The following COLQ variants were observed in gnomAD, a reference collection of about 807,000 sequenced individuals.
COLQ encodes collagen like tail subunit of asymmetric acetylcholinesterase.
A neutral mutation model predicts 69.0 loss-of-function variants in COLQ; 48 were observed. The ratio of observed to expected loss-of-function variants is 0.70; its 90% CI spans 0.55 to 0.88. COLQ has a LOEUF of 0.88. Ranked by LOEUF, COLQ falls within the 40% of genes least tolerant of loss-of-function variation. COLQ has a pLI of 0.00. For synonymous variants in COLQ, 217 were observed against 211.2 expected (o/e 1.03, Z -0.24); for missense variants, 618 against 594.6 (o/e 1.04, Z -0.41).
chr3:15,480,152 T>G (rs56259279), intron 3 of COLQ, among the ~76,000 whole-genome samples: 1 of 152,220 alleles, frequency 6.6e-6, no homozygotes, highest in Non-Finnish European at 1.5e-5. Context: ...CAGGTGAACA[T>G]GCATAGTGCA....
Position 15,490,191 on chromosome 3 carries a change from C to G in COLQ, c.107-554G>C, listed in dbSNP as rs532931386. ...GTTTAATGTCTCAATATATGGGTAG[C>G]CTAATCTGCAGTATCAGGAAATAAA... On this transcript the variant is annotated intron_variant, in intron 1 of 16. Coordinates refer to ENST00000383788, the MANE Select transcript of COLQ (RefSeq NM_005677.4). Among the ~76,000 whole-genome samples the G allele has an allele frequency of 4.6e-5, 7 of 152,242 alleles. No individual in the cohort carries two copies. In the South Asian group the frequency reaches 1.5e-3, roughly 32 times the overall value.
intron 8 of COLQ, 61 bp from the exon 9 acceptor site, chr3:15,474,333 T>C (rs1169967897): frequency 6.3e-7 from 1 of 1,576,238 alleles, no homozygotes; most frequent in Non-Finnish European, 8.7e-7. Flanking sequence ...AATTCAAGCA[T>C]TTCAAACTGA....
chr3:15,463,878 G>A lies in COLQ; in HGVS notation c.814+2463C>T, dbSNP rs147882798. ...ATTATGGAGTGTGGGCACATGGCCTGGGCTGCATCTCAAATCTGATTCCCC... is the reference window on the plus strand; with the variant it reads ...ATTATGGAGTGTGGGCACATGGCCTAGGCTGCATCTCAAATCTGATTCCCC... On this transcript the variant is annotated intron_variant, in intron 12 of 16. Coordinates refer to ENST00000383788, the MANE Select transcript of COLQ (RefSeq NM_005677.4). Among the ~76,000 whole-genome samples the A allele has an allele frequency of 2.4e-3, 365 of 152,256 alleles. 1 individual carries two copies. Among genetic ancestry groups the A allele is most frequent in the African/African-American group, 8.6e-3 (356 of 41,550 alleles).
intron 1 of COLQ, chr3:15,498,852 C>T (rs2062790483): frequency 2.8e-6 from 4 of 1,408,276 alleles, no homozygotes; most frequent in Admixed American, 2.8e-5. Flanking sequence ...ACAAGAGTGC[C>T]TTCAGCCCAG....
chr3:15,466,350 G>C lies in COLQ; in HGVS notation c.805C>G (p.Pro269Ala). 6.2e-7 allele frequency: 1 copy of C among 1,612,218 alleles called. No homozygotes were observed. The change falls in exon 12 of 17, where the codon CCA becomes GCA. Residue 269 changes from proline to alanine, a missense_variant. Transcript: ENST00000383788. ...QPGRPGPPGP[P>A]PAGQLIMGPK... ...GCAGTGTAGCTCTTACCTGCAGGTG[G>C]GGGGCCTGGGGGCCCCGGACGGCCA...
chr3:15,515,737 T>C (rs1429766671), intron 1 of COLQ, among the ~76,000 whole-genome samples: 1 of 151,962 alleles, frequency 6.6e-6, no homozygotes, highest in Non-Finnish European at 1.5e-5. Context: ...ACCCAGGAGG[T>C]GGAGGTTGCA....
chr3:15,475,543 C>T, intron 6 of COLQ, 56 bp from the exon 7 acceptor site: 1 of 1,504,816 alleles, frequency 6.6e-7, no homozygotes, highest in Non-Finnish European at 9.1e-7. Context: ...AGAAACTGAA[C>T]CAGGAAGTCA....
intron 1 of COLQ, among the ~76,000 whole-genome samples, chr3:15,508,502 T>C (rs1025830020): frequency 9.9e-5 from 15 of 152,222 alleles, no homozygotes; most frequent in African/African-American, 3.4e-4. Context: ...AAGCATATTG[T>C]AGGCGGTACA....
At position 15,450,524 on chromosome 3, in the gene COLQ, G is replaced by GA. The variant is rs2061926691; in HGVS notation, c.*1119dup. Reference sequence around the variant, plus strand: ...CAGAATAAAACTAAGCCCTACTCAGGAAAAATGGTGATGAAAGGCAGCTCA... The same window carrying GA: ...CAGAATAAAACTAAGCCCTACTCAGGAAAAAATGGTGATGAAAGGCAGCTCA... On this transcript the variant is annotated 3_prime_UTR_variant, in exon 17 of 17. Coordinates refer to ENST00000383788, the MANE Select transcript of COLQ (RefSeq NM_005677.4). 6.5e-6 allele frequency: 1 copy of GA among 153,772 alleles called. No homozygotes were observed. The highest frequency in any genetic ancestry group is 2.1e-4 in the South Asian group (1 of 4,834). The allele number at this position is 153,772 out of a possible 1,614,324, so 9.5% of individuals were successfully genotyped here. A position where few individuals can be genotyped will look rare whatever the true frequency, so the allele number is the denominator to read the frequency against.
At chr3:15,493,748 G>A (rs1449908706) in intron 1 of COLQ, among the ~76,000 whole-genome samples, 1 of 152,214 alleles carries the variant, frequency 6.6e-6, no homozygotes, top group Admixed American at 6.5e-5. Flanking sequence ...GGCTGTGGGA[G>A]GAGTTTCTCC....
chr3:15,461,498 C>A (rs1048292752), intron 12 of COLQ, among the ~76,000 whole-genome samples: 11 of 152,308 alleles, frequency 7.2e-5, no homozygotes, highest in African/African-American at 2.6e-4. Flanking sequence ...TCATCGCCAC[C>A]CCCTGCAGCC....
At chr3:15,476,703 C>A (rs2062384196) in intron 6 of COLQ, among the ~76,000 whole-genome samples, 1 of 152,184 alleles carries the variant, frequency 6.6e-6, no homozygotes, top group Admixed American at 6.6e-5. Context: ...ACTCGACAAT[C>A]CCTCTCTGAA....
intron 5 of COLQ, 37 bp from the exon 6 acceptor site, chr3:15,477,234 T>C: frequency 1.3e-6 from 2 of 1,555,642 alleles, no homozygotes; most frequent in Non-Finnish European, 1.8e-6. Flanking sequence ...GGCAACTGGG[T>C]TTGTTTCTTT....
At chr3:15,503,904 G>A (rs1296109798) in intron 1 of COLQ, among the ~76,000 whole-genome samples, 7 of 151,966 alleles carry the variant, frequency 4.6e-5, no homozygotes, top group Non-Finnish European at 1.0e-4. Flanking sequence ...CAGAAGTGTC[G>A]CCTCAGCCAG....
chr3:15,456,129 C>T, intron 14 of COLQ, 110 bp from the exon 15 acceptor site: 2 of 1,300,650 alleles, frequency 1.5e-6, no homozygotes, highest in South Asian at 2.5e-5. Flanking sequence ...CATGCCTTGA[C>T]TTCCTCCCAG....
At chr3:15,521,498 G>T (rs1356236009) in intron 1 of COLQ, 22 bp downstream of exon 1, 2 of 1,613,908 alleles carry the variant, frequency 1.2e-6, no homozygotes, top group African/African-American at 2.7e-5. Flanking sequence ...TGGAAGAGAG[G>T]AAAGTTGTGG....
In COLQ at chr3:15,499,553, A is replaced by G. The variant is rs961001130; in HGVS notation, c.107-9916T>C. 6.6e-5 allele frequency among the ~76,000 whole-genome samples: 10 copies of G among 152,366 alleles called. No homozygotes were observed. The East Asian group carries it at 1.7e-3, about 26-fold the overall frequency. On this transcript the variant is annotated intron_variant, in intron 1 of 16. Coordinates refer to ENST00000383788, the MANE Select transcript of COLQ (RefSeq NM_005677.4). ...GATTGGTCATGTTTTGTAAAAGTTT[A>G]CACAAATATAGGAGGCAGGCTGGAT...
chr3:15,479,470 G>C, intron 3 of COLQ, 88 bp from the exon 4 acceptor site: 1 of 1,266,808 alleles, frequency 7.9e-7, no homozygotes, highest in Non-Finnish European at 1.2e-6. Flanking sequence ...GGCTCCTACA[G>C]CAGCAACATC....
At chr3:15,521,069 C>A (rs1351738167) in intron 1 of COLQ, among the ~76,000 whole-genome samples, 2 of 152,174 alleles carry the variant, frequency 1.3e-5, no homozygotes, top group African/African-American at 4.8e-5. Context: ...CTATTGTGGC[C>A]ATGGATGCTA....
Sources: allele counts gnomAD v4.1 joint callset (sites outside exome capture counted in the v4.1 genomes callset), GRCh38; gene constraint gnomAD v4.1.1; transcripts MANE v1.5; gene names NCBI Gene and HGNC (gene_info 2026-07-23, HGNC 2026-07-21).